Variants in CEP63 observed in about 807,000 individuals in gnomAD.
CEP63 encodes centrosomal protein 63.
CEP63 carries 84 observed loss-of-function variants against 89.1 expected under a neutral mutation model. The ratio of observed to expected loss-of-function variants is 0.94; its 90% CI spans 0.79 to 1.13. The LOEUF (loss-of-function observed/expected upper bound fraction) is 1.13, where lower values mean the gene tolerates loss of function less well. CEP63 is among the 50% of genes most tolerant of loss of function. CEP63 has a pLI of 0.00. For missense variants in CEP63, 838 were observed against 813.3 expected, an observed-to-expected ratio of 1.03 and a Z score of -0.37; for synonymous variants, 267 against 272.5, an observed-to-expected ratio of 0.98 and a Z score of 0.20.
the CEP63 span, among the ~76,000 whole-genome samples, chr3:134,638,724 C>T: frequency 1.3e-5 from 2 of 152,256 alleles, no homozygotes; most frequent in Non-Finnish European, 2.9e-5. Context: ...GCCTTTCACC[C>T]AGTCAGGTTT....
At chr3:134,703,465 G>A in the CEP63 span, among the ~76,000 whole-genome samples, 2 of 152,192 alleles carry the variant, frequency 1.3e-5, no homozygotes, top group African/African-American at 2.4e-5. Context: ...ATGAGATCAT[G>A]TCCTTTGCAG....
At chr3:134,749,577 C>T in the CEP63 span, among the ~76,000 whole-genome samples, 1 of 151,638 alleles carries the variant, frequency 6.6e-6, no homozygotes, top group Non-Finnish European at 1.5e-5. Flanking sequence ...TTATCACTAT[C>T]CCAGAGTCTC....
intron 8 of CEP63, among the ~76,000 whole-genome samples, chr3:134,547,122 C>T (rs182195605): frequency 2.6e-5 from 4 of 151,924 alleles, no homozygotes; most frequent in Admixed American, 6.5e-5. Flanking sequence ...AAGGCCAAAT[C>T]CCAGTTAAGA....
At chr3:134,530,171 C>A (rs1949577991) in intron 3 of CEP63, among the ~76,000 whole-genome samples, 2 of 152,172 alleles carry the variant, frequency 1.3e-5, no homozygotes, top group African/African-American at 2.4e-5. Context: ...CCGCGCCCAA[C>A]AAGGTTAAGA....
the CEP63 span, among the ~76,000 whole-genome samples, chr3:134,618,731 G>T: frequency 1.3e-5 from 2 of 152,162 alleles, no homozygotes; most frequent in Admixed American, 6.5e-5. Flanking sequence ...ATCTTTTCAG[G>T]TGGGAGATCT....
In CEP63 at chr3:134,547,618, T is replaced by C. The variant is rs1333148055; in HGVS notation, c.1067+146T>C. The C allele has an allele frequency of 2.1e-5, 5 of 241,988 alleles. 1 individual carries two copies. The highest frequency in any genetic ancestry group is 1.6e-4 in the African/African-American group (3 of 18,462). The allele number at this position is 241,988 out of a possible 1,614,324, so 15.0% of individuals were successfully genotyped here. The stretch of plus-strand genomic sequence containing the variant: ...AAATGGCCTAAGTTCTTATTTCTTT[T>C]TTTTTTTTTTTGAGACGGAGTCCGC... On this transcript the variant is annotated intron_variant, in intron 9 of 14. Transcript: ENST00000675561.
chr3:134,664,185 G>A, the CEP63 span, among the ~76,000 whole-genome samples: 1 of 152,146 alleles, frequency 6.6e-6, no homozygotes, highest in South Asian at 2.1e-4. Context: ...GCCCCTACTG[G>A]GTATTTTTAT....
chr3:134,514,209 T>G (rs568784640), intron 3 of CEP63, among the ~76,000 whole-genome samples: 1 of 152,224 alleles, frequency 6.6e-6, no homozygotes, highest in African/African-American at 2.4e-5. Flanking sequence ...ATAGAATGAC[T>G]GAAATTAAGG....
the CEP63 span, among the ~76,000 whole-genome samples, chr3:134,657,962 T>C: frequency 1.3e-5 from 2 of 152,214 alleles, no homozygotes; most frequent in African/African-American, 4.8e-5. Context: ...AGTGGCGCGA[T>C]CTTGGCTCAC....
chr3:134,595,903 T>C, the CEP63 span, among the ~76,000 whole-genome samples: 1 of 152,350 alleles, frequency 6.6e-6, no homozygotes, highest in Non-Finnish European at 1.5e-5. Context: ...ATCAACGGTC[T>C]TCAAGACAGC....
chr3:134,614,762 T>C, the CEP63 span, among the ~76,000 whole-genome samples: 2 of 152,192 alleles, frequency 1.3e-5, no homozygotes, highest in Admixed American at 1.3e-4. Context: ...GGCCCTGCCA[T>C]AGGAACTGTA....
At chr3:134,747,310 G>C in the CEP63 span, among the ~76,000 whole-genome samples, 2 of 152,332 alleles carry the variant, frequency 1.3e-5, no homozygotes, top group South Asian at 4.1e-4. Flanking sequence ...GTACCATGCT[G>C]TTTTGGTTAC....
chr3:134,545,902 A>C, intron 7 of CEP63, 83 bp downstream of exon 7: 1 of 1,038,812 alleles, frequency 9.6e-7, no homozygotes, highest in Non-Finnish European at 1.4e-6. Context: ...ACTAGGTTCT[A>C]CAATCCATAC....
At chr3:134,736,083 C>G in the CEP63 span, among the ~76,000 whole-genome samples, 3 of 152,032 alleles carry the variant, frequency 2.0e-5, no homozygotes, top group East Asian at 5.8e-4. Context: ...TAGTTTTATC[C>G]CAGGGATGCA....
chr3:134,568,100 C>T (rs1187871898), downstream of CEP63, among the ~76,000 whole-genome samples: 1 of 152,160 alleles, frequency 6.6e-6, no homozygotes, highest in African/African-American at 2.4e-5. Flanking sequence ...AACTAGTCTT[C>T]CTAGTCCTTT....
chr3:134,776,701 G>T, the CEP63 span, among the ~76,000 whole-genome samples: 1 of 152,224 alleles, frequency 6.6e-6, no homozygotes, highest in African/African-American at 2.4e-5. Context: ...GTAGTGATGG[G>T]TAGGGGTGCT....
chr3:134,652,700 A>G, the CEP63 span, among the ~76,000 whole-genome samples: 1 of 152,086 alleles, frequency 6.6e-6, no homozygotes. Flanking sequence ...CTTACTCTCT[A>G]TGTGGCTGGG....
downstream of CEP63, among the ~76,000 whole-genome samples, chr3:134,569,577 T>C (rs1333862039): frequency 1.3e-5 from 2 of 152,234 alleles, no homozygotes; most frequent in Non-Finnish European, 2.9e-5. Flanking sequence ...CTTGCACAGC[T>C]CCACTCCTGT....
rs1458405231 is a variant in CEP63, at chr3:134,521,868, G to GT, written c.223-9971dup. ...TGAATTCCACATTATTGTTTTTAGT[G>GT]TTTTTTCAGAATCATTTTTCCAGAA... On this transcript the variant is annotated intron_variant, in intron 3 of 14. Coordinates refer to ENST00000675561, the MANE Select transcript of CEP63 (RefSeq NM_001353108.3). Among the ~76,000 whole-genome samples the GT allele has an allele frequency of 3.3e-5, 5 of 152,206 alleles. No homozygotes were observed. The South Asian group carries it at 6.2e-4, about 19-fold the overall frequency.
Sources: gnomAD v4.1 joint callset for allele counts (sites outside exome capture counted in the v4.1 genomes callset) on GRCh38, gnomAD v4.1.1 for gene constraint, MANE v1.5 for transcripts, NCBI Gene and HGNC (gene_info 2026-07-23, HGNC 2026-07-21) for gene names.